Variants in TESC observed in about 807,000 individuals in gnomAD.
TESC encodes calcineurin B homologous protein 3.
In TESC, 19 loss-of-function variants were observed where a neutral mutation model predicts 31.0. The ratio of observed to expected loss-of-function variants is 0.61; its 90% CI spans 0.43 to 0.90. The LOEUF (loss-of-function observed/expected upper bound fraction) is 0.90. Ranked by LOEUF, TESC falls within the 40% of genes least tolerant of loss-of-function variation. The pLI is 0.00. For synonymous variants in TESC, 109 were observed against 114.8 expected (o/e 0.95, Z 0.32); for missense variants, 248 against 303.8 (o/e 0.82, Z 1.36).
intron 2 of TESC, among the ~76,000 whole-genome samples, chr12:117,068,397 G>T (rs1036764765): frequency 6.6e-6 from 1 of 152,126 alleles, no homozygotes; most frequent in Non-Finnish European, 1.5e-5. Context: ...AGGTGTGGAG[G>T]TGGGTGCCAT....
chr12:117,055,168 A>G (rs1318193501), intron 3 of TESC, among the ~76,000 whole-genome samples: 1 of 152,086 alleles, frequency 6.6e-6, no homozygotes, highest in Non-Finnish European at 1.5e-5. Flanking sequence ...TTGAGACAGA[A>G]TCTCATTCCG....
At chr12:117,075,921 G>GTATA (rs1955063330) in intron 1 of TESC, among the ~76,000 whole-genome samples, 1 of 79,878 alleles carries the variant, frequency 1.3e-5, no homozygotes, top group South Asian at 3.7e-4. Context: ...ATATGTGTGT[G>GTATA]TGTATATATA....
Position 117,090,258 on chromosome 12 carries a change from G to C in TESC, c.58+8967C>G, listed in dbSNP as rs117873660. Among the ~76,000 whole-genome samples the C allele has an allele frequency of 9.3e-3, 1,424 of 152,310 alleles. 19 individuals carry two copies. Among genetic ancestry groups the C allele is most frequent in the South Asian group, 0.044 (213 of 4,824 alleles). On this transcript the variant is annotated intron_variant, in intron 1 of 7. Transcript: ENST00000335209. ...TGCATAGAATAATAATGAATATGTA[G>C]GTTCTTAAGTACTATGGAGTGATAC...
At position 117,038,987 on chromosome 12, in the gene TESC, C is replaced by A; in HGVS notation, c.*146G>T. On this transcript the variant is annotated 3_prime_UTR_variant, in exon 8 of 8. Coordinates refer to ENST00000335209, the MANE Select transcript of TESC (RefSeq NM_017899.4). The stretch of plus-strand genomic sequence containing the variant: ...AAACAGCGAAGTCCCACATACCATA[C>A]CCTACAAGACACAAGGTGCGCAGAC... 1 of 763,016 alleles carries A rather than the reference C, an allele frequency of 1.3e-6. No individual in the cohort carries two copies. The highest frequency in any genetic ancestry group is 1.7e-5 in the South Asian group (1 of 57,400). 47.3% of individuals were successfully genotyped at this position (763,016 alleles called of 1,614,324 possible).
intron 6 of TESC, among the ~76,000 whole-genome samples, chr12:117,043,587 G>A (rs191912257): frequency 2.6e-5 from 4 of 152,266 alleles, no homozygotes; most frequent in African/African-American, 7.2e-5. Context: ...AGACTCCCAA[G>A]TAGCTGGGAT....
chr12:117,080,770 C>T (rs1955135721), intron 1 of TESC, among the ~76,000 whole-genome samples: 1 of 152,154 alleles, frequency 6.6e-6, no homozygotes, highest in Non-Finnish European at 1.5e-5. Context: ...CCCTTCCCTG[C>T]CCCCACACCC....
intron 3 of TESC, 92 bp downstream of exon 3, chr12:117,056,714 G>A (rs1284497230): frequency 1.3e-5 from 18 of 1,407,984 alleles, no homozygotes; most frequent in East Asian, 4.6e-5. Context: ...CTGGGCATCA[G>A]CTCAAAGGGT....
At chr12:117,058,989 G>A (rs1313144255) in intron 2 of TESC, among the ~76,000 whole-genome samples, 1 of 152,162 alleles carries the variant, frequency 6.6e-6, no homozygotes, top group Admixed American at 6.5e-5. Context: ...GGCCTCCACG[G>A]GCAGTGTCTT....
At chr12:117,082,438 A>G (rs1955161270) in intron 1 of TESC, among the ~76,000 whole-genome samples, 1 of 151,550 alleles carries the variant, frequency 6.6e-6, no homozygotes, top group Non-Finnish European at 1.5e-5. Context: ...TGGGAGGCAG[A>G]GGTTGCAGTG....
At chr12:117,041,595 C>T (rs776836902) in intron 7 of TESC, among the ~76,000 whole-genome samples, 3 of 152,108 alleles carry the variant, frequency 2.0e-5, no homozygotes, top group Non-Finnish European at 2.9e-5. Context: ...AGCCTCCCAA[C>T]GTGCTGGGAT....
intron 3 of TESC, among the ~76,000 whole-genome samples, chr12:117,049,769 T>G (rs1276871561): frequency 2.0e-5 from 3 of 151,978 alleles, no homozygotes; most frequent in Non-Finnish European, 2.9e-5. Flanking sequence ...GGCATGGTGG[T>G]GTGCACCTGT....
intron 1 of TESC, among the ~76,000 whole-genome samples, chr12:117,089,068 G>GA (rs981555328): frequency 1.3e-5 from 2 of 152,156 alleles, no homozygotes. Context: ...AGGTGGGTCA[G>GA]AAAAAACGTT....
chr12:117,096,766 C>T (rs895585525), intron 1 of TESC, among the ~76,000 whole-genome samples: 2 of 152,182 alleles, frequency 1.3e-5, no homozygotes, highest in African/African-American at 2.4e-5. Context: ...CAGGCTCCTG[C>T]CACAGCCTGA....
At chr12:117,086,361 C>A (rs943285508) in intron 1 of TESC, among the ~76,000 whole-genome samples, 1 of 152,072 alleles carries the variant, frequency 6.6e-6, no homozygotes, top group Non-Finnish European at 1.5e-5. Flanking sequence ...CTCGGCCTCC[C>A]AAAGTGCTGG....
At chr12:117,052,635 G>A (rs138916293) in intron 3 of TESC, among the ~76,000 whole-genome samples, 163 of 152,176 alleles carry the variant, frequency 1.1e-3, no homozygotes, top group South Asian at 4.4e-3. Flanking sequence ...CCTGGCCACC[G>A]CCCTCCACTT....
At chr12:117,091,412 G>A (rs996593767) in intron 1 of TESC, among the ~76,000 whole-genome samples, 3 of 152,202 alleles carry the variant, frequency 2.0e-5, no homozygotes, top group Admixed American at 6.5e-5. Flanking sequence ...TTACTGGGCC[G>A]TATGGCATGT....
At position 117,086,577 on chromosome 12, in the gene TESC, T is replaced by A. The variant is rs147941080; in HGVS notation, c.59-11237A>T. Among the ~76,000 whole-genome samples the A allele has an allele frequency of 2.6e-5, 4 of 151,848 alleles. No homozygotes were observed. In the South Asian group the frequency reaches 6.2e-4, roughly 24 times the overall value. ...CCTCCCGAGTAGCTGGGACTACAGG[T>A]GCACACCACAGCACCCAGCTAATTT... On this transcript the variant is annotated intron_variant, in intron 1 of 7. Coordinates refer to ENST00000335209, the MANE Select transcript of TESC (RefSeq NM_017899.4).
chr12:117,046,342 C>T (rs914531911), intron 6 of TESC: 10 of 574,532 alleles, frequency 1.7e-5, no homozygotes, highest in African/African-American at 1.3e-4. Flanking sequence ...CCTGAGATCT[C>T]GAACTCTGCT....
rs76009419 is a variant in TESC, at chr12:117,060,417, C to T, written c.129-3531G>A. Among the ~76,000 whole-genome samples the T allele has an allele frequency of 2.1e-3, 320 of 152,294 alleles. 4 individuals are homozygous for T. The highest frequency in any genetic ancestry group is 7.4e-3 in the African/African-American group (307 of 41,560). On this transcript the variant is annotated intron_variant, in intron 2 of 7. Coordinates refer to ENST00000335209, the MANE Select transcript of TESC (RefSeq NM_017899.4). ...CACATGCTTTTCTGTATGCAGGTCA[C>T]ACCCTCACTGCTCGGAGACAGCTCG...
Sources: allele counts gnomAD v4.1 joint callset (sites outside exome capture counted in the v4.1 genomes callset), GRCh38; gene constraint gnomAD v4.1.1; transcripts MANE v1.5; gene names NCBI Gene and HGNC (gene_info 2026-07-23, HGNC 2026-07-21).